The following RPS6KC1 variants were observed in gnomAD, a reference collection of about 807,000 sequenced individuals.
The protein encoded by RPS6KC1 is inactive ribosomal protein S6 kinase delta-1.
A neutral mutation model predicts 103.8 loss-of-function variants in RPS6KC1; 54 were observed. That is an observed-to-expected ratio of 0.52 (90% CI 0.42 to 0.65). RPS6KC1 has a LOEUF of 0.65. Among genes scored for constraint, RPS6KC1 ranks in the 30% least tolerant of loss-of-function variants. The probability of loss-of-function intolerance (pLI) is 0.00; values close to 1 mark genes in which losing one functional copy is unlikely to be tolerated. For missense variants in RPS6KC1, 1,151 were observed against 1,253.8 expected (o/e 0.92, Z 1.24); for synonymous variants, 439 against 438.7 (o/e 1.00, Z -0.01).
intron 6 of RPS6KC1, among the ~76,000 whole-genome samples, chr1:213,154,021 C>T (rs1385140509): frequency 6.6e-6 from 1 of 152,170 alleles, no homozygotes; most frequent in Admixed American, 6.5e-5. Flanking sequence ...GAGGTACCAG[C>T]CACCTTGATG....
At chr1:213,561,793 A>G in the RPS6KC1 span, among the ~76,000 whole-genome samples, 2 of 152,234 alleles carry the variant, frequency 1.3e-5, no homozygotes, top group African/African-American at 4.8e-5. Context: ...AGATAGCCCA[A>G]TTCAGCTTTG....
At chr1:213,711,247 T>G in the RPS6KC1 span, among the ~76,000 whole-genome samples, 5 of 152,188 alleles carry the variant, frequency 3.3e-5, no homozygotes, top group Non-Finnish European at 7.3e-5. Flanking sequence ...TCACACTTTA[T>G]TTCATTAAGT....
chr1:213,078,522 CT>C (rs2148536736), intron 3 of RPS6KC1, among the ~76,000 whole-genome samples: 2 of 152,234 alleles, frequency 1.3e-5, no homozygotes, highest in South Asian at 4.1e-4. Flanking sequence ...CCGCCTCAGC[CT>C]CCTGAGTAGT....
the RPS6KC1 span, among the ~76,000 whole-genome samples, chr1:213,530,934 G>T: frequency 6.6e-6 from 1 of 152,366 alleles, no homozygotes; most frequent in Admixed American, 6.5e-5. Context: ...CAAGGGCTTT[G>T]TGGAGGAATG....
At chr1:213,452,709 G>A in the RPS6KC1 span, among the ~76,000 whole-genome samples, 1 of 152,188 alleles carries the variant, frequency 6.6e-6, no homozygotes, top group African/African-American at 2.4e-5. Flanking sequence ...TCAGTAGCAG[G>A]CTCAGCCCTG....
intron 8 of RPS6KC1, among the ~76,000 whole-genome samples, chr1:213,193,815 A>G (rs752059458): frequency 3.3e-5 from 5 of 151,694 alleles, no homozygotes; most frequent in Admixed American, 6.6e-5. Context: ...TTTTGTAGAT[A>G]TGGGGTTTTG....
the RPS6KC1 span, among the ~76,000 whole-genome samples, chr1:213,743,224 A>C: frequency 6.6e-6 from 1 of 152,200 alleles, no homozygotes; most frequent in African/African-American, 2.4e-5. Flanking sequence ...GAATGAAACC[A>C]TGTCATTTTC....
At chr1:213,549,328 G>C in the RPS6KC1 span, among the ~76,000 whole-genome samples, 1 of 152,166 alleles carries the variant, frequency 6.6e-6, no homozygotes, top group African/African-American at 2.4e-5. Context: ...ACCAAGGAAG[G>C]CTCTTGGACC....
At chr1:213,671,388 A>T in the RPS6KC1 span, among the ~76,000 whole-genome samples, 1 of 152,010 alleles carries the variant, frequency 6.6e-6, no homozygotes, top group Non-Finnish European at 1.5e-5. Context: ...GTGGAGGGGA[A>T]CGGGGAGATG....
chr1:213,266,082 T>C (rs1419706845), intron 14 of RPS6KC1, among the ~76,000 whole-genome samples: 1 of 152,218 alleles, frequency 6.6e-6, no homozygotes, highest in East Asian at 1.9e-4. Context: ...GTCGTGTATA[T>C]CTTTGTTATT....
chr1:213,059,506 TTTTA>T (rs999474868), intron 1 of RPS6KC1, among the ~76,000 whole-genome samples: 2 of 152,026 alleles, frequency 1.3e-5, no homozygotes, highest in Non-Finnish European at 2.9e-5. Context: ...AGGCTGCATG[TTTTA>T]TTTATTTATA....
At chr1:213,826,004 T>C in the RPS6KC1 span, among the ~76,000 whole-genome samples, 1 of 152,216 alleles carries the variant, frequency 6.6e-6, no homozygotes, top group Admixed American at 6.5e-5. Flanking sequence ...ATATCCACCA[T>C]CACTCATTAG....
chr1:213,326,027 A>T, the RPS6KC1 span, among the ~76,000 whole-genome samples: 3 of 152,184 alleles, frequency 2.0e-5, no homozygotes, highest in African/African-American at 7.2e-5. Flanking sequence ...GTTACTAGGG[A>T]TGCTGTTTTG....
At chr1:213,841,330 T>C in the RPS6KC1 span, 1 of 152,328 alleles carries the variant, frequency 6.6e-6, no homozygotes, top group African/African-American at 2.4e-5. Context: ...AGATGCTTCT[T>C]AATGCAATTT....
intron 1 of RPS6KC1, among the ~76,000 whole-genome samples, chr1:213,060,613 G>A (rs191496570): frequency 6.6e-6 from 1 of 152,238 alleles, no homozygotes; most frequent in East Asian, 1.9e-4. Context: ...ATTTCATCTT[G>A]TTTGTTGACA....
At chr1:213,575,730 G>GA in the RPS6KC1 span, among the ~76,000 whole-genome samples, 1 of 152,134 alleles carries the variant, frequency 6.6e-6, no homozygotes, top group African/African-American at 2.4e-5. Flanking sequence ...CATACACCGG[G>GA]AAATGACATG....
chr1:213,680,708 A>C, the RPS6KC1 span, among the ~76,000 whole-genome samples: 2 of 152,150 alleles, frequency 1.3e-5, no homozygotes, highest in African/African-American at 4.8e-5. Flanking sequence ...TTTGGACTGA[A>C]TATATCTTCC....
At chr1:213,375,030 CACACAT>C in the RPS6KC1 span, among the ~76,000 whole-genome samples, 18 of 151,938 alleles carry the variant, frequency 1.2e-4, no homozygotes, top group African/African-American at 4.1e-4. Flanking sequence ...TACACATACA[CACACAT>C]ACACATACAT....
chr1:213,322,745 T>C, the RPS6KC1 span, among the ~76,000 whole-genome samples: 1 of 151,738 alleles, frequency 6.6e-6, no homozygotes, highest in Non-Finnish European at 1.5e-5. Context: ...TCCTTCTTCT[T>C]TATTTTTTAT....
Sources: gnomAD v4.1 joint callset for allele counts (sites outside exome capture counted in the v4.1 genomes callset) on GRCh38, gnomAD v4.1.1 for gene constraint, MANE v1.5 for transcripts, NCBI Gene and HGNC (gene_info 2026-07-23, HGNC 2026-07-21) for gene names.